The following EXPH5 variants were observed in gnomAD, a reference collection of about 807,000 sequenced individuals.
EXPH5 encodes exophilin 5, also known as exophilin-5.
Under a neutral mutation model 41.1 loss-of-function variants are expected in EXPH5, and 42 were observed. The ratio of observed to expected loss-of-function variants is 1.02; its 90% CI spans 0.80 to 1.32. The LOEUF is 1.32. Ranked by LOEUF, EXPH5 falls within the 40% of genes most tolerant of loss-of-function variation. The pLI is 0.00. For synonymous variants in EXPH5, 798 were observed against 833.5 expected (o/e 0.96, Z 0.73); for missense variants, 2,298 against 2,314.5 (o/e 0.99, Z 0.15).
At chr11:108,562,685 G>T (rs1373254480) in intron 1 of EXPH5, among the ~76,000 whole-genome samples, 5 of 152,126 alleles carry the variant, frequency 3.3e-5, no homozygotes, top group Non-Finnish European at 7.4e-5. Flanking sequence ...TGAAGGGGCC[G>T]GGCATGGTGG....
chr11:108,528,138 C>A lies in EXPH5; in HGVS notation c.490G>T (p.Val164Leu), dbSNP rs779187153. 8 of 1,605,306 alleles carry A rather than the reference C, an allele frequency of 5.0e-6. No individual in the cohort carries two copies. In the South Asian group the frequency reaches 8.8e-5, roughly 18 times the overall value. Residue 164 changes from valine (V) to leucine (L), a missense_variant and splice_region_variant, in exon 4 of 6, where the codon GTG becomes TTG. Coordinates refer to ENST00000265843, the MANE Select transcript of EXPH5 (RefSeq NM_015065.3). ...GPPMPVRGAA[V>L]QAKIYNSPLE... ...CCTGTAGTTATCTGGTTACTTACCA[C>A]AGCAGCTCCCCTCACAGGCATAGGA...
chr11:108,574,077 G>GT (rs71303231), intron 1 of EXPH5, among the ~76,000 whole-genome samples: 15,345 of 142,196 alleles, frequency 0.11, 1,018 homozygotes, highest in African/African-American at 0.19. Context: ...AATTTTGTGT[G>GT]TTTTTTTTTT....
the EXPH5 span, among the ~76,000 whole-genome samples, chr11:108,599,035 G>GGAGA: frequency 6.3e-5 from 8 of 126,180 alleles, no homozygotes; most frequent in East Asian, 2.3e-4. Context: ...AAAAAGAGAC[G>GGAGA]GAGAGAGAGA....
intron 4 of EXPH5, among the ~76,000 whole-genome samples, chr11:108,527,563 A>C (rs1187024399): frequency 6.6e-6 from 1 of 152,232 alleles, no homozygotes; most frequent in Non-Finnish European, 1.5e-5. Context: ...GTTACACAGG[A>C]AGACACAGGA....
chr11:108,514,754 T>C lies in EXPH5; in HGVS notation c.753A>G (p.Arg251=). 6.2e-7 allele frequency: 1 copy of C among 1,611,910 alleles called. No homozygotes were observed. The highest frequency in any genetic ancestry group is 1.3e-5 in the African/African-American group (1 of 74,908). ...TGTGCCTTTCTGTGATATTACCATGTCTGTTACCACTGGAATAAAAGTGAC... is the reference window on the plus strand; with the variant it reads ...TGTGCCTTTCTGTGATATTACCATGCCTGTTACCACTGGAATAAAAGTGAC... The part of the protein sequence containing the change: ...QFGHFYSSGN[R]HGNITERHKK... The change falls in exon 6 of 6, where the codon AGA becomes AGG. Residue 251 remains arginine (R), a synonymous_variant. Transcript: ENST00000265843.
rs1195759799 is a variant in EXPH5, at chr11:108,510,046, A to G, written c.5461T>C (p.Ser1821Pro). 6.2e-7 allele frequency: 1 copy of G among 1,611,632 alleles called. No individual in the cohort carries two copies. The change falls in exon 6 of 6, where the codon TCT becomes CCT. Residue 1821 changes from serine (S) to proline (P), a missense_variant. Transcript: ENST00000265843. ...HPPKVRERHF[S>P]ESTSIDNALS... The stretch of plus-strand genomic sequence containing the variant: ...GCATTGTCAATAGAAGTGCTTTCAG[A>G]AAAATGGCGCTCCCTGACTTTTGGA...
At chr11:108,544,690 T>C (rs569237622) in intron 1 of EXPH5, among the ~76,000 whole-genome samples, 2 of 152,166 alleles carry the variant, frequency 1.3e-5, no homozygotes, top group Non-Finnish European at 2.9e-5. Context: ...TAACTGAGCA[T>C]CATGTAGTTG....
chr11:108,597,403 G>A (rs946033282), upstream of EXPH5, among the ~76,000 whole-genome samples: 1 of 152,106 alleles, frequency 6.6e-6, no homozygotes, highest in Non-Finnish European at 1.5e-5. Context: ...TCACTATGTT[G>A]GACGGCTGAT....
At chr11:108,527,691 C>T (rs1387269678) in intron 4 of EXPH5, among the ~76,000 whole-genome samples, 1 of 152,204 alleles carries the variant, frequency 6.6e-6, no homozygotes, top group East Asian at 1.9e-4. Flanking sequence ...GGAAGCATCT[C>T]GCTGGGTCAA....
At chr11:108,561,710 T>C (rs1380339445) in intron 1 of EXPH5, among the ~76,000 whole-genome samples, 28 of 152,244 alleles carry the variant, frequency 1.8e-4, no homozygotes, top group Admixed American at 1.8e-3. Context: ...GTCTTTCCTC[T>C]TGGCATGTCT....
At chr11:108,572,391 A>G (rs2136101616) in intron 1 of EXPH5, among the ~76,000 whole-genome samples, 1 of 135,890 alleles carries the variant, frequency 7.4e-6, no homozygotes, top group Non-Finnish European at 1.7e-5. Flanking sequence ...GAACCAATCT[A>G]CTGCATCACT....
chr11:108,602,568 A>G, the EXPH5 span, among the ~76,000 whole-genome samples: 2 of 144,994 alleles, frequency 1.4e-5, no homozygotes, highest in African/African-American at 5.1e-5. Flanking sequence ...TTTTTTGGAG[A>G]TGAGGTCTCA....
At chr11:108,539,347 C>A (rs1208649518) in intron 2 of EXPH5, among the ~76,000 whole-genome samples, 161 bp from the exon 3 acceptor site, 1 of 152,142 alleles carries the variant, frequency 6.6e-6, no homozygotes, top group African/African-American at 2.4e-5. Context: ...GCAGTCAGAG[C>A]AACCTCTCTC....
rs184435130 is a variant in EXPH5 at position 108,554,919 on chromosome 11, T to C, written c.120-13107A>G. On this transcript the variant is annotated intron_variant, in intron 1 of 5. Transcript: ENST00000265843. Reference sequence around the variant, plus strand: ...AGCCTTGGGTGACAGAGTGAGACCCTGTCTCCCCCCGGCCTCCAAAAAAGA... The same window carrying C: ...AGCCTTGGGTGACAGAGTGAGACCCCGTCTCCCCCCGGCCTCCAAAAAAGA... 3.3e-5 allele frequency among the ~76,000 whole-genome samples: 5 copies of C among 152,282 alleles called. No individual in the cohort carries two copies. In the East Asian group the frequency reaches 9.6e-4, roughly 29 times the overall value.
Position 108,541,751 on chromosome 11 carries a change from C to T in EXPH5, c.181G>A (p.Glu61Lys), listed in dbSNP as rs1248598055. The change falls in exon 2 of 6, where the codon GAA becomes AAA. Residue 61 changes from glutamate to lysine, a missense_variant. Glu to Lys is a moderately conservative substitution (Grantham distance 56). Coordinates refer to ENST00000265843, the MANE Select transcript of EXPH5 (RefSeq NM_015065.3). The stretch of plus-strand genomic sequence containing the variant: ...CAAAACTTTTTTCTTTGAATTTCTT[C>T]AAACCATTCACCAGTCACTCCCTGA... The part of the protein sequence containing the change: ...WLQGVTGEWF[E>K]EIQRKKFCNE... 3 of 1,612,766 alleles carry T rather than the reference C, an allele frequency of 1.9e-6. No individual in the cohort carries two copies. The highest frequency in any genetic ancestry group is 1.3e-5 in the African/African-American group (1 of 74,894).
At chr11:108,534,924 T>A (rs1025233022) in intron 3 of EXPH5, among the ~76,000 whole-genome samples, 1 of 152,258 alleles carries the variant, frequency 6.6e-6, no homozygotes, top group Non-Finnish European at 1.5e-5. Context: ...GCCTGACCTA[T>A]GCAGCAATAT....
rs1256965792 is a variant in EXPH5 at position 108,512,515 on chromosome 11, C to T, written c.2992G>A (p.Asp998Asn). ...TTTGCTTCAATGAGGCTCCTGTGATCACTGGTGGGTACTGATATACTTTCT... is the reference window on the plus strand; with the variant it reads ...TTTGCTTCAATGAGGCTCCTGTGATTACTGGTGGGTACTGATATACTTTCT... ...KTESISVPTS[D>N]HRSLIEANQS... The change falls in exon 6 of 6, where the codon GAT becomes AAT. Residue 998 changes from aspartate (D) to asparagine (N), a missense_variant. Transcript: ENST00000265843. The T allele has an allele frequency of 1.9e-6, 3 of 1,613,958 alleles. No homozygotes were observed. Among genetic ancestry groups the T allele is most frequent in the African/African-American group, 2.7e-5 (2 of 75,048 alleles).
At chr11:108,588,814 T>C (rs902040715) in intron 1 of EXPH5, among the ~76,000 whole-genome samples, 1 of 152,168 alleles carries the variant, frequency 6.6e-6, no homozygotes, top group Non-Finnish European at 1.5e-5. Flanking sequence ...CTGCTTGGCA[T>C]TGGGATATGG....
At chr11:108,519,063 G>C (rs2093747011) in intron 4 of EXPH5, among the ~76,000 whole-genome samples, 1 of 152,202 alleles carries the variant, frequency 6.6e-6, no homozygotes, top group South Asian at 2.1e-4. Flanking sequence ...GCTGCTCTAT[G>C]AAGTAGCCAT....
Sources: gnomAD v4.1 joint callset for allele counts (sites outside exome capture counted in the v4.1 genomes callset) on GRCh38, gnomAD v4.1.1 for gene constraint, MANE v1.5 for transcripts, NCBI Gene and HGNC (gene_info 2026-07-23, HGNC 2026-07-21) for gene names.